Variants in TAS2R1 observed in about 807,000 individuals in gnomAD.
The protein encoded by TAS2R1 is taste receptor type 2 member 1.
For synonymous variants in TAS2R1, 141 were observed against 134.2 expected (o/e 1.05, Z -0.35); for missense variants, 370 against 353.4 (o/e 1.05, Z -0.38).
the TAS2R1 span, among the ~76,000 whole-genome samples, chr5:9,797,935 T>A: frequency 6.6e-6 from 1 of 152,168 alleles, no homozygotes; most frequent in Non-Finnish European, 1.5e-5. Flanking sequence ...TCCAAAGATG[T>A]GTATACGAAT....
At chr5:9,741,114 A>T in the TAS2R1 span, among the ~76,000 whole-genome samples, 1 of 152,126 alleles carries the variant, frequency 6.6e-6, no homozygotes, top group Non-Finnish European at 1.5e-5. Context: ...CTTGGGTAGG[A>T]TTATTATATT....
At chr5:9,775,922 G>A in the TAS2R1 span, among the ~76,000 whole-genome samples, 1 of 152,218 alleles carries the variant, frequency 6.6e-6, no homozygotes, top group Non-Finnish European at 1.5e-5. Context: ...TTGGGGTAGG[G>A]AGGGGTGGCA....
In TAS2R1 at chr5:9,668,055, T is replaced by C. The variant is rs531480305; in HGVS notation, c.-241-8474A>G. Among the ~76,000 whole-genome samples the C allele has an allele frequency of 3.3e-5, 5 of 152,190 alleles. No individual in the cohort carries two copies. In the East Asian group the frequency reaches 9.7e-4, roughly 29 times the overall value. On this transcript the variant is annotated intron_variant, in intron 1 of 2. Coordinates refer to the TAS2R1 transcript ENST00000506620. ...ATGATGCAGGAGATAAAAAACAAAA[T>C]GGCCATATTAAGAAAGAACCAAACT...
the TAS2R1 span, among the ~76,000 whole-genome samples, chr5:9,871,928 G>A: frequency 6.6e-6 from 1 of 152,118 alleles, no homozygotes; most frequent in Non-Finnish European, 1.5e-5. Flanking sequence ...CTCTGATATG[G>A]ACATATGCCC....
At chr5:9,718,875 T>TAA in the TAS2R1 span, among the ~76,000 whole-genome samples, 11 of 147,416 alleles carry the variant, frequency 7.5e-5, no homozygotes, top group South Asian at 1.9e-3. Flanking sequence ...GCTACTGTAT[T>TAA]AAAAAAAAAA....
chr5:9,776,390 G>A, the TAS2R1 span, among the ~76,000 whole-genome samples: 5 of 152,330 alleles, frequency 3.3e-5, no homozygotes, highest in African/African-American at 9.6e-5. Flanking sequence ...TCAGTGACGT[G>A]AAATTAAAAA....
At chr5:9,698,461 C>T (rs376634672) in intron 1 of TAS2R1, among the ~76,000 whole-genome samples, 2 of 152,056 alleles carry the variant, frequency 1.3e-5, no homozygotes, top group Non-Finnish European at 2.9e-5. Flanking sequence ...AATTCCTGAG[C>T]GATATTTTTC....
chr5:9,819,285 G>A, the TAS2R1 span, among the ~76,000 whole-genome samples: 2 of 152,150 alleles, frequency 1.3e-5, no homozygotes, highest in African/African-American at 2.4e-5. Context: ...CAAAGGACTC[G>A]AGGTCACCAT....
chr5:9,882,985 T>G, the TAS2R1 span, among the ~76,000 whole-genome samples: 21 of 152,174 alleles, frequency 1.4e-4, no homozygotes, highest in South Asian at 4.1e-3. Context: ...CAAACACCCA[T>G]CAATGATAGA....
At chr5:9,847,322 A>T in the TAS2R1 span, among the ~76,000 whole-genome samples, 5 of 152,158 alleles carry the variant, frequency 3.3e-5, no homozygotes, top group South Asian at 2.1e-4. Context: ...ATCCTTTTTT[A>T]AAAAAGTTCT....
the TAS2R1 span, among the ~76,000 whole-genome samples, chr5:9,808,839 G>T: frequency 6.6e-6 from 1 of 152,142 alleles, no homozygotes; most frequent in Admixed American, 6.5e-5. Context: ...CATTTCAATA[G>T]GTCAGAATGT....
intron 1 of TAS2R1, among the ~76,000 whole-genome samples, chr5:9,673,736 G>T (rs1305156271): frequency 6.6e-6 from 1 of 152,070 alleles, no homozygotes; most frequent in Non-Finnish European, 1.5e-5. Context: ...CTCTCTTGGG[G>T]ATCAGCAATG....
At chr5:9,634,545 C>T (rs1049510990), upstream of TAS2R1, among the ~76,000 whole-genome samples, 2 of 152,012 alleles carry the variant, frequency 1.3e-5, no homozygotes, top group Non-Finnish European at 2.9e-5. Flanking sequence ...GCAGTGTGGT[C>T]ATTTTCATAA....
the TAS2R1 span, among the ~76,000 whole-genome samples, chr5:9,788,289 T>C: frequency 6.6e-6 from 1 of 152,226 alleles, no homozygotes; most frequent in African/African-American, 2.4e-5. Context: ...CCAGTTGATA[T>C]TCTGAACTTC....
the TAS2R1 span, among the ~76,000 whole-genome samples, chr5:9,788,832 T>C: frequency 6.6e-6 from 1 of 152,212 alleles, no homozygotes; most frequent in Non-Finnish European, 1.5e-5. Context: ...AAAACTAGAA[T>C]AAATTTTCTA....
rs1579758281 is a variant in TAS2R1 at position 9,628,853 on chromosome 5, C to T, written c.*280G>A. The stretch of plus-strand genomic sequence containing the variant: ...ATACAGAAAGACCCTGAACCATTTA[C>T]TCAGTTTTCCCAATGGTAACAACTT... On this transcript the variant is annotated 3_prime_UTR_variant, in exon 1 of 1. Transcript: ENST00000382492. 1 of 297,620 alleles carries T rather than the reference C, an allele frequency of 3.4e-6. No homozygotes were observed. Among genetic ancestry groups the T allele is most frequent in the Non-Finnish European group, 6.2e-6 (1 of 162,210 alleles). The allele number at this position is 297,620 out of a possible 1,614,324, so 18.4% of individuals were successfully genotyped here.
At chr5:9,748,807 G>A in the TAS2R1 span, among the ~76,000 whole-genome samples, 1 of 152,024 alleles carries the variant, frequency 6.6e-6, no homozygotes, top group Non-Finnish European at 1.5e-5. Context: ...GTTTGGAGGG[G>A]ACAAATATCC....
chr5:9,643,588 T>TA (rs912171400), intron 2 of TAS2R1, among the ~76,000 whole-genome samples: 7 of 152,138 alleles, frequency 4.6e-5, no homozygotes, highest in African/African-American at 1.7e-4. Context: ...TCTAAATTCA[T>TA]AAAAAATAAA....
chr5:9,874,767 A>C, the TAS2R1 span, among the ~76,000 whole-genome samples: 2 of 152,030 alleles, frequency 1.3e-5, no homozygotes, highest in Non-Finnish European at 2.9e-5. Flanking sequence ...CTGAGCAATA[A>C]CTCCATCTCT....
Sources: gnomAD v4.1 joint callset for allele counts (sites outside exome capture counted in the v4.1 genomes callset) on GRCh38, gnomAD v4.1.1 for gene constraint, MANE v1.5 for transcripts, NCBI Gene and HGNC (gene_info 2026-07-23, HGNC 2026-07-21) for gene names.